Variants in EYS observed in about 807,000 individuals in gnomAD.
The protein encoded by EYS is protein eyes shut homolog.
Under a neutral mutation model 282.1 loss-of-function variants are expected in EYS, and 250 were observed. That is an observed-to-expected ratio of 0.89 (90% confidence interval 0.80 to 0.98). The LOEUF is 0.98. Ranked by LOEUF, EYS falls within the 50% of genes least tolerant of loss-of-function variation. The probability of loss-of-function intolerance (pLI) is 0.00; values close to 1 mark genes in which losing one functional copy is unlikely to be tolerated. For missense variants in EYS, 4,016 were observed against 3,709.0 expected, an observed-to-expected ratio of 1.08 and a Z score of -2.15; for synonymous variants, 1,355 against 1,282.9, an observed-to-expected ratio of 1.06 and a Z score of -1.20.
At chr6:65,223,105 T>C (rs987334630) in intron 12 of EYS, among the ~76,000 whole-genome samples, 1 of 151,998 alleles carries the variant, frequency 6.6e-6, no homozygotes, top group Non-Finnish European at 1.5e-5. Context: ...GTTTTAAAGC[T>C]CTGGACCTCT....
Position 64,814,409 on chromosome 6 carries a change from G to A in EYS, c.3244-832C>T, listed in dbSNP as rs116197712. On this transcript the variant is annotated intron_variant, in intron 21 of 42. Coordinates refer to ENST00000503581, the MANE Select transcript of EYS (RefSeq NM_001142800.2). ...AAAATAATGGCACTGTGTCTTAAAC[G>A]TCATATGTGATCAGTAAATATTATC... is the stretch of plus-strand genomic sequence containing the variant. Among the ~76,000 whole-genome samples, 250 of 152,010 alleles carry A rather than the reference G, an allele frequency of 1.6e-3. 1 individual carries two copies. Among genetic ancestry groups the A allele is most frequent in the African/African-American group, 5.5e-3 (227 of 41,506 alleles).
chr6:64,565,908 T>C (rs1356741032), intron 26 of EYS, among the ~76,000 whole-genome samples: 1 of 150,600 alleles, frequency 6.6e-6, no homozygotes, highest in Non-Finnish European at 1.5e-5. Context: ...TCTTTAAAAT[T>C]ATACCTCAAT....
At chr6:65,477,868 C>T (rs1765467258) in intron 5 of EYS, among the ~76,000 whole-genome samples, 1 of 151,952 alleles carries the variant, frequency 6.6e-6, no homozygotes, top group South Asian at 2.1e-4. Context: ...CTACACATGG[C>T]CATAAGAATG....
chr6:64,074,244 CAT>C (rs1461621826), intron 32 of EYS, among the ~76,000 whole-genome samples: 11 of 151,498 alleles, frequency 7.3e-5, no homozygotes. Flanking sequence ...CCTCTCAAAA[CAT>C]AGATTCCAGT....
At chr6:65,068,968 G>A (rs150647246) in intron 12 of EYS, among the ~76,000 whole-genome samples, 1 of 151,884 alleles carries the variant, frequency 6.6e-6, no homozygotes, top group Admixed American at 6.6e-5. Flanking sequence ...TTCAAGAGAT[G>A]ATTTAAATTT....
At chr6:64,701,166 A>G (rs1270912109) in intron 22 of EYS, among the ~76,000 whole-genome samples, 1 of 152,128 alleles carries the variant, frequency 6.6e-6, no homozygotes, top group East Asian at 1.9e-4. Flanking sequence ...CTGGATTGCC[A>G]TATGCCGAAT....
intron 33 of EYS, among the ~76,000 whole-genome samples, chr6:64,019,228 C>T (rs965086511): frequency 1.3e-5 from 2 of 152,134 alleles, no homozygotes; most frequent in Non-Finnish European, 1.5e-5. Flanking sequence ...CTGGAAGAGG[C>T]AGTAATGGAT....
intron 12 of EYS, among the ~76,000 whole-genome samples, chr6:65,264,436 C>T (rs963031930): frequency 4.6e-5 from 7 of 152,144 alleles, no homozygotes; most frequent in African/African-American, 9.6e-5. Flanking sequence ...TTTTGATGCA[C>T]GTAAGACATT....
chr6:65,705,728 G>A (rs921878476), intron 1 of EYS, among the ~76,000 whole-genome samples: 4 of 151,936 alleles, frequency 2.6e-5, no homozygotes, highest in East Asian at 1.9e-4. Context: ...AGTATAGTCA[G>A]GATTAAATCA....
At chr6:64,661,081 C>A (rs955235123) in intron 22 of EYS, among the ~76,000 whole-genome samples, 1 of 152,022 alleles carries the variant, frequency 6.6e-6, no homozygotes, top group Non-Finnish European at 1.5e-5. Flanking sequence ...GAAATAATGC[C>A]ACATATCTAC....
At chr6:65,127,125 T>C (rs190394188) in intron 12 of EYS, among the ~76,000 whole-genome samples, 1 of 152,222 alleles carries the variant, frequency 6.6e-6, no homozygotes. Flanking sequence ...AAAATATAAC[T>C]AGGTTTTATT....
In EYS at chr6:64,591,015, T is replaced by C. The variant is rs1766389319; in HGVS notation, c.4852A>G (p.Thr1618Ala). The C allele has an allele frequency of 1.9e-6, 3 of 1,551,226 alleles. No homozygotes were observed. In the African/African-American group the frequency reaches 4.1e-5, roughly 21 times the overall value. Residue 1618 changes from threonine (T) to alanine (A), a missense_variant, in exon 26 of 43, where the codon ACA becomes GCA. Physicochemically the swap from Thr to Ala is moderately conservative, Grantham distance 58. Transcript: ENST00000503581. ...ACTTCTGTGAATGCCACTGATGGTG[T>C]TATTTCAGTAGCAGAAGAAAATGAA... The part of the protein sequence containing the change: ...GHSFSSATEI[T>A]PSVAFTEVPS...
chr6:65,219,393 T>C (rs1303009731), intron 12 of EYS, among the ~76,000 whole-genome samples: 1 of 152,104 alleles, frequency 6.6e-6, no homozygotes, highest in Non-Finnish European at 1.5e-5. Context: ...CTAAATTATC[T>C]TGGTGATTAA....
At chr6:64,838,051 TTGTTTTAAAA>T (rs766265378) in intron 19 of EYS, among the ~76,000 whole-genome samples, 8,809 of 151,824 alleles carry the variant, frequency 0.058, 266 homozygotes, top group East Asian at 0.1. Context: ...TATAACCAAT[TTGTTTTAAAA>T]TAATCACAGT....
intron 36 of EYS, among the ~76,000 whole-genome samples, chr6:63,832,974 T>A (rs564637921): frequency 6.6e-6 from 1 of 152,240 alleles, no homozygotes; most frequent in East Asian, 1.9e-4. Context: ...ACCACATGAC[T>A]ATGTCAATAG....
chr6:64,871,343 TG>T (rs1267015968), intron 19 of EYS, among the ~76,000 whole-genome samples: 1 of 151,144 alleles, frequency 6.6e-6, no homozygotes, highest in African/African-American at 2.4e-5. Flanking sequence ...AAAAAAATCT[TG>T]TTTTGGTCAC....
At chr6:65,094,343 C>T (rs1420057659) in intron 12 of EYS, among the ~76,000 whole-genome samples, 3 of 138,580 alleles carry the variant, frequency 2.2e-5, no homozygotes, top group Admixed American at 7.1e-5. Context: ...AAAAGCAAAC[C>T]GAGGACTAAA....
At chr6:64,516,233 T>C (rs898311922) in intron 26 of EYS, among the ~76,000 whole-genome samples, 1 of 150,084 alleles carries the variant, frequency 6.7e-6, no homozygotes, top group Admixed American at 6.6e-5. Flanking sequence ...TTAATACCTG[T>C]AGGATGAAAT....
chr6:64,485,790 A>G (rs1050778724), intron 26 of EYS, among the ~76,000 whole-genome samples: 2 of 151,610 alleles, frequency 1.3e-5, no homozygotes, highest in East Asian at 3.9e-4. Context: ...AATTTCATAT[A>G]ATGAATCCAA....
Sources: allele counts gnomAD v4.1 joint callset (sites outside exome capture counted in the v4.1 genomes callset), GRCh38; gene constraint gnomAD v4.1.1; transcripts MANE v1.5; gene names NCBI Gene and HGNC (gene_info 2026-07-23, HGNC 2026-07-21).